The following MAP4K4 variants were observed in gnomAD, a reference collection of about 807,000 sequenced individuals.
MAP4K4 encodes the protein HPK/GCK-like kinase HGK.
In MAP4K4, 38 loss-of-function variants were observed where a neutral mutation model predicts 189.6. The ratio of observed to expected loss-of-function variants is 0.20; its 90% CI spans 0.15 to 0.26. MAP4K4 has a LOEUF of 0.26. Ranked by LOEUF, MAP4K4 falls within the 10% of genes least tolerant of loss-of-function variation. The pLI is 1.00. For synonymous variants in MAP4K4, 610 were observed against 624.3 expected, an observed-to-expected ratio of 0.98 and a Z score of 0.34; for missense variants, 1,054 against 1,726.9, an observed-to-expected ratio of 0.61 and a Z score of 6.91.
rs57584884 is a variant in MAP4K4, at chr2:101,885,429, A to G, written c.3621+142A>G. Reference sequence around the variant, plus strand: ...AATATAGCATATAACTTTATCATAAACCATTTCTAATGTAATAAGCTTAGT... The same window carrying G: ...AATATAGCATATAACTTTATCATAAGCCATTTCTAATGTAATAAGCTTAGT... On this transcript the variant is annotated intron_variant, in intron 29 of 32. Coordinates refer to ENST00000324219, the Ensembl canonical transcript of MAP4K4. The G allele has an allele frequency of 0.28, 141,174 of 512,448 alleles. 21,791 individuals carry two copies. The highest frequency in any genetic ancestry group is 0.3 in the Non-Finnish European group (87,030 of 286,086). 31.7% of individuals were successfully genotyped at this position (512,448 alleles called of 1,614,324 possible). A position where few individuals can be genotyped will look rare whatever the true frequency, so the allele number is the denominator to read the frequency against.
intron 8 of MAP4K4, among the ~76,000 whole-genome samples, chr2:101,835,516 G>C (rs2096724978): frequency 1.3e-5 from 2 of 152,072 alleles, no homozygotes; most frequent in Non-Finnish European, 2.9e-5. Context: ...TCTGTTCCAG[G>C]CATTGTATGA....
intron 9 of MAP4K4, among the ~76,000 whole-genome samples, chr2:101,838,308 A>T (rs1438418488): frequency 6.6e-6 from 1 of 152,222 alleles, no homozygotes; most frequent in Admixed American, 6.5e-5. Flanking sequence ...GGGTCTTAGA[A>T]CTATCTCTGT....
At chr2:101,871,631 G>T in exon 24 of MAP4K4, 1 of 1,536,642 alleles carries the variant, frequency 6.5e-7, no homozygotes, top group Non-Finnish European at 8.7e-7. Context: ...CCTCCAGCCA[G>T]CCGACACCCA....
At chr2:101,698,712 A>T (rs2036172906) in intron 2 of MAP4K4, among the ~76,000 whole-genome samples, 174 bp downstream of exon 2, 1 of 152,200 alleles carries the variant, frequency 6.6e-6, no homozygotes, top group South Asian at 2.1e-4. Flanking sequence ...GTTTATATTC[A>T]GACTGGCCTT....
intron 3 of MAP4K4, among the ~76,000 whole-genome samples, chr2:101,795,119 T>A (rs976962307): frequency 6.6e-6 from 1 of 152,172 alleles, no homozygotes; most frequent in African/African-American, 2.4e-5. Flanking sequence ...TGAAGCCAAG[T>A]TGGGTCTCTT....
intron 6 of MAP4K4, among the ~76,000 whole-genome samples, chr2:101,830,406 C>T (rs376638962): frequency 1.3e-5 from 2 of 152,108 alleles, no homozygotes; most frequent in Non-Finnish European, 2.9e-5. Flanking sequence ...TTAGCTGGGT[C>T]TGAACTCATT....
At chr2:101,714,303 GGGAA>G (rs58648258) in intron 2 of MAP4K4, among the ~76,000 whole-genome samples, 6,114 of 152,158 alleles carry the variant, frequency 0.04, 316 homozygotes, top group African/African-American at 0.12. Flanking sequence ...ATAAATTATA[GGGAA>G]GGAAGTTTTC....
intron 2 of MAP4K4, among the ~76,000 whole-genome samples, chr2:101,765,968 A>T (rs1323143145): frequency 6.6e-6 from 1 of 152,188 alleles, no homozygotes; most frequent in African/African-American, 2.4e-5. Flanking sequence ...TTTAAAAAAA[A>T]TTAAAAAAAT....
chr2:101,815,910 G>A (rs543741899), intron 3 of MAP4K4, among the ~76,000 whole-genome samples: 1 of 152,108 alleles, frequency 6.6e-6, no homozygotes, highest in African/African-American at 2.4e-5. Context: ...GTTTCCGCAC[G>A]GGGACGTGTT....
chr2:101,887,959 G>A (rs773006021), intron 31 of MAP4K4, 22 bp downstream of exon 31: 2 of 1,558,250 alleles, frequency 1.3e-6, no homozygotes, highest in Non-Finnish European at 1.7e-6. Flanking sequence ...TTGGGGAAAG[G>A]CAGCATTTGT....
chr2:101,745,065 T>A (rs987444000), intron 2 of MAP4K4, among the ~76,000 whole-genome samples: 2 of 152,136 alleles, frequency 1.3e-5, no homozygotes, highest in African/African-American at 4.8e-5. Flanking sequence ...TGTAGCAGAT[T>A]TAAAAGTGTG....
chr2:101,854,930 A>T (rs1178098454), intron 12 of MAP4K4, among the ~76,000 whole-genome samples: 1 of 152,132 alleles, frequency 6.6e-6, no homozygotes, highest in East Asian at 1.9e-4. Context: ...AAAATTAAAA[A>T]CTCAGTTTTT....
chr2:101,725,431 A>G (rs1005010515), intron 2 of MAP4K4, among the ~76,000 whole-genome samples: 6 of 151,804 alleles, frequency 4.0e-5, no homozygotes, highest in Non-Finnish European at 8.8e-5. Flanking sequence ...AAAACAAAAC[A>G]TATGTTTTGT....
At chr2:101,789,978 C>T (rs888086571) in intron 2 of MAP4K4, among the ~76,000 whole-genome samples, 8 of 152,010 alleles carry the variant, frequency 5.3e-5, no homozygotes, top group African/African-American at 1.9e-4. Flanking sequence ...CCTCATCCCC[C>T]CGACTTCTTT....
intron 2 of MAP4K4, among the ~76,000 whole-genome samples, chr2:101,766,397 A>G (rs903433253): frequency 1.3e-5 from 2 of 152,206 alleles, no homozygotes; most frequent in Admixed American, 1.3e-4. Flanking sequence ...AAGCGTTATC[A>G]TAAATGTCTT....
chr2:101,717,505 G>T (rs1243518748), intron 2 of MAP4K4, among the ~76,000 whole-genome samples: 1 of 152,122 alleles, frequency 6.6e-6, no homozygotes, highest in Non-Finnish European at 1.5e-5. Flanking sequence ...TTCTTTTTGT[G>T]TCGGGAAAAG....
chr2:101,832,106 T>C (rs1045715417), intron 7 of MAP4K4, among the ~76,000 whole-genome samples: 2 of 152,250 alleles, frequency 1.3e-5, no homozygotes, highest in African/African-American at 4.8e-5. Flanking sequence ...TTGTTGTGCC[T>C]AGAACTTTTT....
chr2:101,771,796 T>C (rs2081581579), intron 2 of MAP4K4, among the ~76,000 whole-genome samples: 1 of 152,180 alleles, frequency 6.6e-6, no homozygotes, highest in African/African-American at 2.4e-5. Context: ...ATTTGAAGAA[T>C]TGAAAACTAT....
intron 2 of MAP4K4, among the ~76,000 whole-genome samples, chr2:101,709,628 A>G (rs1462475197): frequency 6.6e-6 from 1 of 152,112 alleles, no homozygotes; most frequent in African/African-American, 2.4e-5. Context: ...TATTTTTGGG[A>G]GGAATTCCCT....
Sources: allele counts gnomAD v4.1 joint callset (sites outside exome capture counted in the v4.1 genomes callset), GRCh38; gene constraint gnomAD v4.1.1; transcripts MANE v1.5; gene names NCBI Gene and HGNC (gene_info 2026-07-23, HGNC 2026-07-21).